The following ARHGEF10 variants were observed in gnomAD, a reference collection of about 807,000 sequenced individuals.
ARHGEF10 encodes the protein Rho guanine nucleotide exchange factor 10.
ARHGEF10 carries 140 observed loss-of-function variants against 147.4 expected under a neutral mutation model. The ratio of observed to expected loss-of-function variants is 0.95; its 90% confidence interval spans 0.83 to 1.09. The LOEUF is 1.09. Ranked by LOEUF, ARHGEF10 falls within the 50% of genes least tolerant of loss-of-function variation. The pLI is 0.00. For missense variants in ARHGEF10, 2,222 were observed against 1,752.7 expected, an observed-to-expected ratio of 1.27 and a Z score of -4.78; for synonymous variants, 902 against 695.8, an observed-to-expected ratio of 1.30 and a Z score of -4.67.
At chr8:1,882,536 G>A (rs1808292006) in intron 9 of ARHGEF10, 99 bp from the exon 10 acceptor site, 4 of 1,031,718 alleles carry the variant, frequency 3.9e-6, no homozygotes, top group Admixed American at 2.0e-5. Context: ...GCGCTCACAA[G>A]AACCAGACTA....
intron 10 of ARHGEF10, among the ~76,000 whole-genome samples, chr8:1,882,962 C>G (rs995525733): frequency 6.6e-6 from 1 of 152,186 alleles, no homozygotes; most frequent in Admixed American, 6.5e-5. Context: ...CACCCAGCAG[C>G]AGAGAATCAT....
intron 1 of ARHGEF10, among the ~76,000 whole-genome samples, chr8:1,832,621 C>G (rs1412853202): frequency 1.3e-5 from 1 of 79,582 alleles, no homozygotes; most frequent in Non-Finnish European, 2.4e-5. Context: ...GAGACAGAGG[C>G]AGAGAGAGAC....
intron 11 of ARHGEF10, 114 bp from the exon 12 acceptor site, chr8:1,893,455 C>G (rs928633749): frequency 5.3e-6 from 4 of 748,928 alleles, no homozygotes; most frequent in East Asian, 5.2e-5. Flanking sequence ...CCCTTGTGCA[C>G]TGTTTTCTAA....
intron 11 of ARHGEF10, among the ~76,000 whole-genome samples, chr8:1,892,277 CTGTG>C (rs66526026): frequency 0.21 from 26,068 of 126,316 alleles, 2,980 homozygotes; most frequent in East Asian, 0.47. Context: ...GCTTCTGGCT[CTGTG>C]TGTGTGTGTG....
rs3779710 is a variant in ARHGEF10 at position 1,951,900 on chromosome 8, G to C, written c.3398-805G>C. Among the ~76,000 whole-genome samples the C allele has an allele frequency of 3.9e-5, 6 of 152,328 alleles. No individual in the cohort carries two copies. The East Asian group carries it at 1.2e-3, about 29-fold the overall frequency. On this transcript the variant is annotated intron_variant, in intron 27 of 28. Transcript: ENST00000349830. Reference sequence around the variant, plus strand: ...GGCTCCCACCCTGTAACTGCAGTGAGGTGGGGTCTTCCTTGTAGCCACCGT... The same window carrying C: ...GGCTCCCACCCTGTAACTGCAGTGACGTGGGGTCTTCCTTGTAGCCACCGT...
intron 23 of ARHGEF10, among the ~76,000 whole-genome samples, chr8:1,927,705 G>C (rs921459284): frequency 2.6e-5 from 4 of 152,152 alleles, no homozygotes; most frequent in Non-Finnish European, 5.9e-5. Flanking sequence ...ACAAGGTCAG[G>C]AGTTTGAGAC....
rs181434193 is a variant in ARHGEF10 at position 1,898,340 on chromosome 8, C to T, written c.1558-93C>T. 42 of 1,109,900 alleles carry T rather than the reference C, an allele frequency of 3.8e-5. No individual in the cohort carries two copies. The Admixed American group carries it at 5.7e-4, about 15-fold the overall frequency. 68.8% of individuals were successfully genotyped at this position (1,109,900 alleles called of 1,614,324 possible). On this transcript the variant is annotated intron_variant, in intron 14 of 28. Transcript: ENST00000349830. ...ACAAGGTGCAGGCTTTTGACTTTCC[C>T]GAGTGTTCAGTGTGGTGGGGAGGAG...
chr8:1,932,806 A>C (rs552861335), intron 25 of ARHGEF10, among the ~76,000 whole-genome samples: 1 of 152,244 alleles, frequency 6.6e-6, no homozygotes, highest in South Asian at 2.1e-4. Flanking sequence ...AGTGCTTGAA[A>C]TCCAGAACAA....
chr8:1,908,481 C>T (rs1811091482), intron 17 of ARHGEF10, among the ~76,000 whole-genome samples: 1 of 152,134 alleles, frequency 6.6e-6, no homozygotes, highest in African/African-American at 2.4e-5. Flanking sequence ...ATCTGCCTGC[C>T]TTGGCCTCCC....
intron 2 of ARHGEF10, among the ~76,000 whole-genome samples, chr8:1,854,883 G>A (rs545363206): frequency 1.3e-5 from 2 of 152,118 alleles, no homozygotes; most frequent in African/African-American, 4.8e-5. Flanking sequence ...GAACGCATGC[G>A]GTTCTTCTCA....
chr8:1,907,467 A>G (rs539337067), intron 17 of ARHGEF10, among the ~76,000 whole-genome samples: 11 of 152,308 alleles, frequency 7.2e-5, no homozygotes, highest in African/African-American at 2.4e-4. Context: ...CTAAGCAAAT[A>G]TAATGGTCCT....
chr8:1,909,849 G>C (rs529878534), intron 18 of ARHGEF10, among the ~76,000 whole-genome samples: 1 of 152,162 alleles, frequency 6.6e-6, no homozygotes, highest in Non-Finnish European at 1.5e-5. Context: ...AGCTTGAGGC[G>C]GTGGTGGTTC....
chr8:1,954,955 G>A (rs1439807132), intron 28 of ARHGEF10, among the ~76,000 whole-genome samples: 1 of 149,256 alleles, frequency 6.7e-6, no homozygotes, highest in South Asian at 2.1e-4. Flanking sequence ...GGATAGCCAG[G>A]TGCTCCCTGA....
At position 1,957,466 on chromosome 8, in the gene ARHGEF10, C is replaced by G. The variant is rs1815675959; in HGVS notation, c.*203C>G. 3 of 739,956 alleles carry G rather than the reference C, an allele frequency of 4.1e-6. No individual in the cohort carries two copies. In the South Asian group the frequency reaches 5.6e-5, roughly 14 times the overall value. 45.8% of individuals were successfully genotyped at this position (739,956 alleles called of 1,614,324 possible). On this transcript the variant is annotated 3_prime_UTR_variant, in exon 29 of 29. Coordinates refer to ENST00000349830, the MANE Select transcript of ARHGEF10 (RefSeq NM_014629.4). ...TCTGTACAGCAGAAGTAATTACAAG[C>G]ACTTCTCACGAAGGCAGAAGACTGA...
chr8:1,865,825 G>C (rs1376570846), intron 5 of ARHGEF10, among the ~76,000 whole-genome samples: 2 of 152,178 alleles, frequency 1.3e-5, no homozygotes, highest in African/African-American at 4.8e-5. Context: ...CAGTGTCTCT[G>C]CGCTGCCACC....
rs757525643 is a variant in ARHGEF10, at chr8:1,893,660, G to A, written c.1260+14G>A. On this transcript the variant is annotated intron_variant, in intron 12 of 28. Transcript: ENST00000349830. ...AGGATTTTGGAGGTACTTAAGTGTCGTGTTACATAATACATACATTTCTAT... is the reference window on the plus strand; with the variant it reads ...AGGATTTTGGAGGTACTTAAGTGTCATGTTACATAATACATACATTTCTAT... 27 of 1,564,132 alleles carry A rather than the reference G, an allele frequency of 1.7e-5. No individual in the cohort carries two copies. The highest frequency in any genetic ancestry group is 1.1e-4 in the East Asian group (5 of 44,540).
intron 6 of ARHGEF10, 133 bp from the exon 7 acceptor site, chr8:1,869,061 A>T: frequency 6.7e-6 from 5 of 751,316 alleles, no homozygotes; most frequent in Non-Finnish European, 1.1e-5. Context: ...AGTAAAAAAT[A>T]AAAAAAAAAC....
chr8:1,829,989 G>T (rs564687444), intron 1 of ARHGEF10, among the ~76,000 whole-genome samples: 1 of 152,318 alleles, frequency 6.6e-6, no homozygotes, highest in East Asian at 1.9e-4. Context: ...TAGCAAGAAG[G>T]AGAGGGTTAG....
intron 2 of ARHGEF10, among the ~76,000 whole-genome samples, chr8:1,853,494 T>C (rs1805308208): frequency 6.6e-6 from 1 of 152,216 alleles, no homozygotes; most frequent in South Asian, 2.1e-4. Flanking sequence ...AGTTTGCAAA[T>C]TGTAGTTTTT....
Sources: allele counts gnomAD v4.1 joint callset (sites outside exome capture counted in the v4.1 genomes callset), GRCh38; gene constraint gnomAD v4.1.1; transcripts MANE v1.5; gene names NCBI Gene and HGNC (gene_info 2026-07-23, HGNC 2026-07-21).